The following CDKAL1 variants were observed in gnomAD, a reference collection of about 807,000 sequenced individuals.
CDKAL1 encodes the protein threonylcarbamoyladenosine tRNA methylthiotransferase.
In CDKAL1, 32 loss-of-function variants were observed where a neutral mutation model predicts 68.2. The ratio of observed to expected loss-of-function variants is 0.47; its 90% CI spans 0.35 to 0.63. The LOEUF is 0.63. CDKAL1 is among the 30% of genes least tolerant of loss of function. The pLI is 0.00. For missense variants in CDKAL1, 606 were observed against 696.7 expected (o/e 0.87, Z 1.47); for synonymous variants, 234 against 244.3 (o/e 0.96, Z 0.39).
At chr6:21,060,604 TG>T (rs1771093270) in intron 11 of CDKAL1, among the ~76,000 whole-genome samples, 1 of 152,120 alleles carries the variant, frequency 6.6e-6, no homozygotes, top group African/African-American at 2.4e-5. Context: ...CTTCTTGAAG[TG>T]GAAGCTTAGA....
At chr6:20,703,533 T>A (rs1010719322) in intron 5 of CDKAL1, among the ~76,000 whole-genome samples, 13 of 152,112 alleles carry the variant, frequency 8.5e-5, no homozygotes, top group South Asian at 2.1e-4. Context: ...ATTTAAAAAA[T>A]ATATATATAG....
intron 9 of CDKAL1, among the ~76,000 whole-genome samples, chr6:20,873,634 A>G (rs1760337717): frequency 6.6e-6 from 1 of 152,292 alleles, no homozygotes; most frequent in South Asian, 2.1e-4. Flanking sequence ...GATAATCAGT[A>G]TTTAGAATAG....
chr6:20,922,826 A>G (rs1267916294), intron 9 of CDKAL1, among the ~76,000 whole-genome samples: 2 of 152,250 alleles, frequency 1.3e-5, no homozygotes, highest in African/African-American at 2.4e-5. Context: ...AGAAATTTCC[A>G]TAATTTACCA....
At chr6:20,648,953 C>T (rs1158728490) in intron 4 of CDKAL1, among the ~76,000 whole-genome samples, 2 of 152,136 alleles carry the variant, frequency 1.3e-5, no homozygotes, top group East Asian at 3.9e-4. Flanking sequence ...ACACATAATC[C>T]ACAAAGGTGA....
At chr6:20,693,129 CAAAA>C (rs70990059) in intron 5 of CDKAL1, among the ~76,000 whole-genome samples, 3 of 67,616 alleles carry the variant, frequency 4.4e-5, no homozygotes, top group African/African-American at 1.1e-4. Flanking sequence ...GACTCTGTCT[CAAAA>C]AAAAAAAAAA....
chr6:20,598,708 A>C (rs1765949019), intron 4 of CDKAL1, among the ~76,000 whole-genome samples: 1 of 152,208 alleles, frequency 6.6e-6, no homozygotes. Context: ...TTTAGAATGA[A>C]GGTAATTAAA....
chr6:20,920,155 A>T (rs141171900), intron 9 of CDKAL1, among the ~76,000 whole-genome samples: 1,805 of 152,264 alleles, frequency 0.012, 23 homozygotes, highest in Middle Eastern at 0.034. Flanking sequence ...CTTATGACTA[A>T]GTAGTTGAAA....
chr6:20,651,316 A>G (rs887580974), intron 5 of CDKAL1, among the ~76,000 whole-genome samples: 1 of 151,998 alleles, frequency 6.6e-6, no homozygotes, highest in African/African-American at 2.4e-5. Flanking sequence ...TTTTGTGGCA[A>G]TTGTAAATGG....
chr6:21,003,371 T>TATATATATATATATATATATAC lies in CDKAL1; in HGVS notation c.1055+3000_1055+3001insTATATATATATATATATATACA. ...ATATATATATATATATATATATATA[T>TATATATATATATATATATATAC]ACACACACACACACACACATATATA... On this transcript the variant is annotated intron_variant, in intron 11 of 15. Transcript: ENST00000274695. Among the ~76,000 whole-genome samples the TATATATATATATATATATATAC allele has an allele frequency of 1.1e-3, 54 of 49,260 alleles. 1 individual carries two copies. The highest frequency in any genetic ancestry group is 8.9e-3 in the Middle Eastern group (1 of 112). 32.3% of individuals were successfully genotyped at this position (49,260 alleles called of 152,430 possible).
Position 21,108,388 on chromosome 6 carries a change from T to C in CDKAL1, c.1237-13T>C. ...GTATGTTGGTTTTTTGTTTTTTTTG[T>C]TTTTTTTCACAGAAAAAGCAAAGGA... On this transcript the variant is annotated splice_polypyrimidine_tract_variant and intron_variant, in intron 12 of 15. Coordinates refer to ENST00000274695, the MANE Select transcript of CDKAL1 (RefSeq NM_017774.3). 1 of 1,592,458 alleles carries C rather than the reference T, an allele frequency of 6.3e-7. No homozygotes were observed. The highest frequency in any genetic ancestry group is 1.1e-5 in the South Asian group (1 of 87,680).
intron 7 of CDKAL1, among the ~76,000 whole-genome samples, chr6:20,759,663 A>G (rs532932249): frequency 3.7e-4 from 56 of 152,354 alleles, no homozygotes; most frequent in African/African-American, 1.3e-3. Flanking sequence ...TGTATTTTTT[A>G]TAGTTACACT....
At chr6:20,764,808 A>T (rs1486623285) in intron 7 of CDKAL1, among the ~76,000 whole-genome samples, 1 of 152,174 alleles carries the variant, frequency 6.6e-6, no homozygotes, top group East Asian at 1.9e-4. Flanking sequence ...TCAATAAAAT[A>T]ATTTTTATTG....
intron 8 of CDKAL1, among the ~76,000 whole-genome samples, chr6:20,839,501 A>T (rs1413934444): frequency 6.6e-6 from 1 of 152,194 alleles, no homozygotes; most frequent in African/African-American, 2.4e-5. Flanking sequence ...CTACTGATAG[A>T]AACTGGAAAA....
intron 9 of CDKAL1, among the ~76,000 whole-genome samples, chr6:20,923,703 C>T (rs1763059185): frequency 6.6e-6 from 1 of 152,164 alleles, no homozygotes; most frequent in African/African-American, 2.4e-5. Flanking sequence ...GGCTGCATGT[C>T]TCTCACTTTT....
At chr6:20,605,437 T>G (rs1304952784) in intron 4 of CDKAL1, among the ~76,000 whole-genome samples, 1 of 152,210 alleles carries the variant, frequency 6.6e-6, no homozygotes, top group Non-Finnish European at 1.5e-5. Context: ...TATTCTAACA[T>G]CTGTGCCAAT....
At chr6:21,084,976 G>A (rs1772615017) in intron 12 of CDKAL1, among the ~76,000 whole-genome samples, 1 of 152,190 alleles carries the variant, frequency 6.6e-6, no homozygotes, top group Non-Finnish European at 1.5e-5. Flanking sequence ...GAAAATCAGT[G>A]TGTTCTCTAA....
At chr6:20,704,644 T>C (rs1771519065) in intron 5 of CDKAL1, among the ~76,000 whole-genome samples, 1 of 152,174 alleles carries the variant, frequency 6.6e-6, no homozygotes, top group Admixed American at 6.5e-5. Context: ...CCAAGCTAAA[T>C]TCTGTATGAG....
intron 12 of CDKAL1, among the ~76,000 whole-genome samples, chr6:21,081,572 C>CTT (rs201718303): frequency 1.0e-4 from 14 of 137,446 alleles, no homozygotes; most frequent in African/African-American, 2.4e-4. Flanking sequence ...AATGATATAT[C>CTT]TTTTTTTTTT....
At chr6:20,851,338 C>T (rs1211708459) in intron 9 of CDKAL1, among the ~76,000 whole-genome samples, 1 of 152,172 alleles carries the variant, frequency 6.6e-6, no homozygotes, top group Non-Finnish European at 1.5e-5. Flanking sequence ...AATGAATTTA[C>T]AAGCTAGTGT....
Sources: allele counts gnomAD v4.1 joint callset (sites outside exome capture counted in the v4.1 genomes callset), GRCh38; gene constraint gnomAD v4.1.1; transcripts MANE v1.5; gene names NCBI Gene and HGNC (gene_info 2026-07-23, HGNC 2026-07-21).